OSBPL6: variants seen among roughly 807,000 people sequenced by gnomAD.
OSBPL6 encodes oxysterol-binding protein-related protein 6.
A neutral mutation model predicts 125.8 loss-of-function variants in OSBPL6; 49 were observed. The ratio of observed to expected loss-of-function variants is 0.39; its 90% CI spans 0.31 to 0.49. The LOEUF (loss-of-function observed/expected upper bound fraction) is 0.49, where lower values mean the gene tolerates loss of function less well. Ranked by LOEUF, OSBPL6 falls within the 20% of genes least tolerant of loss-of-function variation. The pLI is 0.88. For synonymous variants in OSBPL6, 394 were observed against 391.8 expected (o/e 1.01, Z -0.07); for missense variants, 986 against 1,135.4 (o/e 0.87, Z 1.89).
intron 1 of OSBPL6, among the ~76,000 whole-genome samples, chr2:178,284,327 C>T (rs1487756770): frequency 2.0e-5 from 3 of 152,060 alleles, no homozygotes; most frequent in South Asian, 2.1e-4. Flanking sequence ...CCGAGGCAGG[C>T]AGATCATCCA....
intron 15 of OSBPL6, among the ~76,000 whole-genome samples, chr2:178,374,386 A>G (rs1188013996): frequency 1.3e-5 from 2 of 152,228 alleles, no homozygotes; most frequent in Non-Finnish European, 2.9e-5. Flanking sequence ...GAATTAGGAA[A>G]GCACCGTTCA....
chr2:178,215,985 C>G (rs1420940149), intron 1 of OSBPL6, among the ~76,000 whole-genome samples: 2 of 152,116 alleles, frequency 1.3e-5, no homozygotes, highest in Non-Finnish European at 2.9e-5. Flanking sequence ...GTGAAATCAC[C>G]TAAGGAGGGT....
chr2:178,216,285 A>G (rs1191032158), intron 1 of OSBPL6, among the ~76,000 whole-genome samples: 2 of 152,192 alleles, frequency 1.3e-5, no homozygotes, highest in African/African-American at 2.4e-5. Context: ...CCCAAAGTGA[A>G]TTGAGAAAGC....
intron 1 of OSBPL6, among the ~76,000 whole-genome samples, chr2:178,237,654 T>A (rs1201062936): frequency 6.6e-6 from 1 of 152,218 alleles, no homozygotes. Context: ...TTCTTTGTTG[T>A]AGGGCACTGT....
rs529467136 is a variant in OSBPL6, at chr2:178,368,861, C to T, written c.1288-3265C>T. 2.7e-4 allele frequency among the ~76,000 whole-genome samples: 41 copies of T among 150,578 alleles called. 1 individual carries two copies. The highest frequency in any genetic ancestry group is 6.9e-3 in the Middle Eastern group (2 of 290). On this transcript the variant is annotated intron_variant, in intron 13 of 24. Transcript: ENST00000190611. ...TTGCCCAGGCTGAAGTGCAGTGACA[C>T]AGTCTTGGCTCAGTGCAGCCTCCAC...
chr2:178,248,938 C>CTATT (rs1427447363), intron 1 of OSBPL6, among the ~76,000 whole-genome samples: 17 of 151,840 alleles, frequency 1.1e-4, no homozygotes, highest in Admixed American at 1.1e-3. Context: ...ATTTTTCATT[C>CTATT]TATTTATTTA....
At chr2:178,347,777 A>G (rs1690863338) in intron 11 of OSBPL6, among the ~76,000 whole-genome samples, 1 of 152,180 alleles carries the variant, frequency 6.6e-6, no homozygotes, top group East Asian at 1.9e-4. Context: ...TTTAACAATC[A>G]TCTCCCAGCC....
chr2:178,344,379 C>G (rs766887550), intron 11 of OSBPL6: 18 of 1,611,448 alleles, frequency 1.1e-5, no homozygotes, highest in Admixed American at 8.3e-5. Flanking sequence ...ATTTCAATCT[C>G]AAGTGGAAGT....
chr2:178,246,566 T>A (rs533617187), intron 1 of OSBPL6, among the ~76,000 whole-genome samples: 22 of 152,334 alleles, frequency 1.4e-4, no homozygotes, highest in Non-Finnish European at 2.5e-4. Context: ...CCCTTTCTCC[T>A]GAGGTTACGG....
At chr2:178,374,504 G>C (rs1693690887) in intron 15 of OSBPL6, among the ~76,000 whole-genome samples, 1 of 152,180 alleles carries the variant, frequency 6.6e-6, no homozygotes, top group Non-Finnish European at 1.5e-5. Flanking sequence ...ATGCTTTTTG[G>C]AGGTTAACCG....
chr2:178,314,625 G>A (rs970258170), intron 3 of OSBPL6, among the ~76,000 whole-genome samples: 4 of 152,210 alleles, frequency 2.6e-5, no homozygotes, highest in African/African-American at 9.6e-5. Context: ...TGCAAACTGG[G>A]TATTTTGAAG....
intron 6 of OSBPL6, 119 bp from the exon 7 acceptor site, chr2:178,332,522 A>G (rs545073625): frequency 2.8e-6 from 2 of 715,380 alleles, no homozygotes; most frequent in Non-Finnish European, 4.9e-6. Flanking sequence ...TTAAGGAGGT[A>G]TATGTAGTAT....
intron 15 of OSBPL6, among the ~76,000 whole-genome samples, chr2:178,379,973 A>G (rs1292882424): frequency 1.3e-5 from 2 of 152,248 alleles, no homozygotes; most frequent in African/African-American, 4.8e-5. Flanking sequence ...CAATAAATCC[A>G]GAAACCTTAA....
At chr2:178,367,102 A>G (rs1056926491) in intron 13 of OSBPL6, among the ~76,000 whole-genome samples, 3 of 152,350 alleles carry the variant, frequency 2.0e-5, no homozygotes, top group South Asian at 2.1e-4. Flanking sequence ...AGTTTGAAAC[A>G]AAATAACTGC....
rs1180291066 is a variant in OSBPL6 at position 178,388,896 on chromosome 2, G to C, written c.2157-113G>C. ...CAGAGAGAATTTCAAGACACAAATG[G>C]GAGGAGAATGAGGGAAAAGGAAGCT... On this transcript the variant is annotated intron_variant, in intron 20 of 24. Transcript: ENST00000190611. 3 of 1,074,524 alleles carry C rather than the reference G, an allele frequency of 2.8e-6. No homozygotes were observed. The Admixed American group carries it at 7.0e-5, about 25-fold the overall frequency. 66.6% of individuals were successfully genotyped at this position (1,074,524 alleles called of 1,614,324 possible).
At chr2:178,330,659 G>A (rs1365619528) in intron 5 of OSBPL6, among the ~76,000 whole-genome samples, 1 of 152,204 alleles carries the variant, frequency 6.6e-6, no homozygotes, top group African/African-American at 2.4e-5. Flanking sequence ...AGGCCTGACT[G>A]CCTGCCATCT....
chr2:178,317,732 CTT>C (rs750419514), intron 3 of OSBPL6, among the ~76,000 whole-genome samples: 4 of 142,026 alleles, frequency 2.8e-5, no homozygotes, highest in Admixed American at 7.1e-5. Flanking sequence ...TGTATATGGA[CTT>C]TTTTTTTTTT....
chr2:178,238,602 G>A (rs2091158089), intron 1 of OSBPL6, among the ~76,000 whole-genome samples: 1 of 151,902 alleles, frequency 6.6e-6, no homozygotes, highest in Non-Finnish European at 1.5e-5. Context: ...AAATTGGGAA[G>A]AAGGAAAAAA....
At position 178,402,437 on chromosome 2, in the gene OSBPL6, G is replaced by A. The variant is rs1696126079; in HGVS notation, c.*6878G>A. 2 of 152,148 alleles carry A rather than the reference G, an allele frequency of 1.3e-5. No individual in the cohort carries two copies. Among genetic ancestry groups the A allele is most frequent in the Admixed American group, 1.3e-4 (2 of 15,276 alleles). The allele number at this position is 152,148 out of a possible 1,614,324, so 9.4% of individuals were successfully genotyped here. A position where few individuals can be genotyped will look rare whatever the true frequency, so the allele number is the denominator to read the frequency against. ...GGGAGTTTTTCAGTTGACTGATGAGGTCCTGACTGGTAGGGAAAGCCTGCA... is the reference window on the plus strand; with the variant it reads ...GGGAGTTTTTCAGTTGACTGATGAGATCCTGACTGGTAGGGAAAGCCTGCA... On this transcript the variant is annotated 3_prime_UTR_variant, in exon 25 of 25. Coordinates refer to ENST00000190611, the MANE Select transcript of OSBPL6 (RefSeq NM_032523.4).
Sources: gnomAD v4.1 joint callset for allele counts (sites outside exome capture counted in the v4.1 genomes callset) on GRCh38, gnomAD v4.1.1 for gene constraint, MANE v1.5 for transcripts, NCBI Gene and HGNC (gene_info 2026-07-23, HGNC 2026-07-21) for gene names.